ANKRD13C: variants seen among roughly 807,000 people sequenced by gnomAD.
ANKRD13C encodes ankyrin repeat domain 13C.
A neutral mutation model predicts 65.5 loss-of-function variants in ANKRD13C; 16 were observed. The ratio of observed to expected loss-of-function variants is 0.24; its 90% CI spans 0.17 to 0.37. The LOEUF (loss-of-function observed/expected upper bound fraction) is 0.37. Among genes scored for constraint, ANKRD13C ranks in the 10% least tolerant of loss-of-function variants. ANKRD13C has a pLI of 1.00. For synonymous variants in ANKRD13C, 235 were observed against 238.7 expected (o/e 0.98, Z 0.14); for missense variants, 503 against 655.9 (o/e 0.77, Z 2.55).
At chr1:70,298,942 G>A (rs779834120) in intron 7 of ANKRD13C, among the ~76,000 whole-genome samples, 3 of 151,934 alleles carry the variant, frequency 2.0e-5, no homozygotes, top group Admixed American at 1.3e-4. Flanking sequence ...AACCTATAGC[G>A]TAGAATGTAC....
In ANKRD13C at chr1:70,295,802, C is replaced by T. The variant is rs6667317; in HGVS notation, c.1053+328G>A. The stretch of plus-strand genomic sequence containing the variant: ...CAGGGAAATAGAGTCAAGTTTATCC[C>T]TTTTTGTAGTCTTCTTATCGAATAA... On this transcript the variant is annotated intron_variant, in intron 8 of 12. Transcript: ENST00000370944. 3.8e-3 allele frequency among the ~76,000 whole-genome samples: 575 copies of T among 152,258 alleles called. 6 individuals carry two copies. The highest frequency in any genetic ancestry group is 0.013 in the African/African-American group (552 of 41,536).
chr1:70,354,535 GC>G lies in ANKRD13C; in HGVS notation c.-128del. 1.4e-6 allele frequency: 2 copies of G among 1,440,422 alleles called. No individual in the cohort carries two copies. Among genetic ancestry groups the G allele is most frequent in the Non-Finnish European group, 1.8e-6 (2 of 1,102,410 alleles). 89.2% of individuals were successfully genotyped at this position (1,440,422 alleles called of 1,614,324 possible). Reference sequence around the variant, plus strand: ...CCAGCGCAGCATGAACTCCCACTGAGCCCCCGAGCCTGGGACAAACGCATCT... The same window carrying G: ...CCAGCGCAGCATGAACTCCCACTGAGCCCCGAGCCTGGGACAAACGCATCT... On this transcript the variant is annotated 5_prime_UTR_variant, in exon 1 of 13. The change abolishes the stop of an existing upstream ORF in the 5' untranslated region. Coordinates refer to ENST00000370944, the MANE Select transcript of ANKRD13C (RefSeq NM_030816.5).
chr1:70,319,353 C>T (rs1225785525), intron 3 of ANKRD13C, among the ~76,000 whole-genome samples: 1 of 152,102 alleles, frequency 6.6e-6, no homozygotes, highest in Non-Finnish European at 1.5e-5. Context: ...CACCTGTAAT[C>T]TCAGCACTTT....
At chr1:70,304,497 G>A (rs1158223400) in intron 6 of ANKRD13C, among the ~76,000 whole-genome samples, 2 of 151,786 alleles carry the variant, frequency 1.3e-5, no homozygotes, top group East Asian at 3.9e-4. Flanking sequence ...CCTGGGGTCA[G>A]GTGATTCTCC....
chr1:70,320,047 T>G (rs1681240218), intron 3 of ANKRD13C, among the ~76,000 whole-genome samples: 1 of 152,116 alleles, frequency 6.6e-6, no homozygotes, highest in African/African-American at 2.4e-5. Flanking sequence ...GTACTTGAGC[T>G]GAGATCTGAA....
chr1:70,271,120 G>T (rs932158909), intron 11 of ANKRD13C, among the ~76,000 whole-genome samples, 164 bp from the exon 12 acceptor site: 1 of 151,948 alleles, frequency 6.6e-6, no homozygotes, highest in Non-Finnish European at 1.5e-5. Context: ...CTCTATAATG[G>T]TTTACAACTT....
At chr1:70,338,031 G>A (rs753279537) in intron 1 of ANKRD13C, among the ~76,000 whole-genome samples, 1 of 151,956 alleles carries the variant, frequency 6.6e-6, no homozygotes, top group South Asian at 2.1e-4. Flanking sequence ...CCTGGGAGGC[G>A]AAGGTTGCGG....
intron 9 of ANKRD13C, among the ~76,000 whole-genome samples, chr1:70,277,317 G>T (rs1679184262): frequency 6.6e-6 from 1 of 152,108 alleles, no homozygotes; most frequent in Non-Finnish European, 1.5e-5. Context: ...AATTATCCGG[G>T]CGTGATGGTG....
intron 1 of ANKRD13C, among the ~76,000 whole-genome samples, chr1:70,352,313 C>T (rs1682777461): frequency 7.6e-6 from 1 of 131,956 alleles, no homozygotes; most frequent in South Asian, 2.4e-4. Context: ...GCACTCCAGC[C>T]TGGGCGACAG....
At chr1:70,307,958 G>C (rs965365777) in intron 5 of ANKRD13C, among the ~76,000 whole-genome samples, 1 of 151,100 alleles carries the variant, frequency 6.6e-6, no homozygotes, top group African/African-American at 2.4e-5. Flanking sequence ...CTTTGAAAAA[G>C]AAAAAAAGAA....
rs1165416550 is a variant in ANKRD13C, at chr1:70,309,715, C to CAA, written c.710-3427_710-3426dup. On this transcript the variant is annotated intron_variant, in intron 5 of 12. Transcript: ENST00000370944. ...TGGGCGACAGAGCCAGACTCCGTCG[C>CAA]AAAAAAAAAAAAAAAAAAATAATAA... is the stretch of plus-strand genomic sequence containing the variant. Among the ~76,000 whole-genome samples the CAA allele has an allele frequency of 7.2e-5, 10 of 138,838 alleles. 1 individual carries two copies. Among genetic ancestry groups the CAA allele is most frequent in the South Asian group, 2.3e-4 (1 of 4,352 alleles). The allele number at this position is 138,838 out of a possible 152,430, so 91.1% of individuals were successfully genotyped here.
At chr1:70,324,347 A>C (rs1385718516) in intron 3 of ANKRD13C, among the ~76,000 whole-genome samples, 2 of 152,200 alleles carry the variant, frequency 1.3e-5, no homozygotes, top group Non-Finnish European at 2.9e-5. Context: ...GAGTGGAATA[A>C]CTCAACATTC....
chr1:70,317,955 C>T (rs1020058750), intron 3 of ANKRD13C, among the ~76,000 whole-genome samples: 1 of 152,028 alleles, frequency 6.6e-6, no homozygotes. Context: ...TAAATAATGA[C>T]CAAACATCAT....
chr1:70,270,145 T>A (rs1367316741), intron 12 of ANKRD13C, among the ~76,000 whole-genome samples: 2 of 152,204 alleles, frequency 1.3e-5, no homozygotes, highest in African/African-American at 4.8e-5. Context: ...ACTTTATCCA[T>A]CAACAGTAAC....
chr1:70,346,376 T>C (rs1242425153), intron 1 of ANKRD13C, among the ~76,000 whole-genome samples: 3 of 152,290 alleles, frequency 2.0e-5, no homozygotes, highest in East Asian at 1.9e-4. Context: ...CCAGCCCAGT[T>C]TGCTACTTTG....
At chr1:70,352,159 G>A (rs1443447618) in intron 1 of ANKRD13C, among the ~76,000 whole-genome samples, 1 of 151,820 alleles carries the variant, frequency 6.6e-6, no homozygotes, top group Non-Finnish European at 1.5e-5. Flanking sequence ...CTCACACAGT[G>A]AAACCCCGTC....
At chr1:70,290,379 T>G (rs976633505) in intron 9 of ANKRD13C, among the ~76,000 whole-genome samples, 1 of 152,216 alleles carries the variant, frequency 6.6e-6, no homozygotes, top group Non-Finnish European at 1.5e-5. Flanking sequence ...CTTTGTAGTA[T>G]GTAGTAGCCT....
intron 12 of ANKRD13C, among the ~76,000 whole-genome samples, chr1:70,267,596 A>G (rs1678685885): frequency 6.6e-6 from 1 of 152,048 alleles, no homozygotes. Flanking sequence ...GTATATTTAG[A>G]CCATTTACAT....
intron 3 of ANKRD13C, 95 bp from the exon 4 acceptor site, chr1:70,315,661 A>G: frequency 1.1e-6 from 1 of 918,668 alleles, no homozygotes; most frequent in Non-Finnish European, 1.6e-6. Flanking sequence ...TAATACATGT[A>G]CACATATATG....
Sources: gnomAD v4.1 joint callset for allele counts (sites outside exome capture counted in the v4.1 genomes callset) on GRCh38, gnomAD v4.1.1 for gene constraint, MANE v1.5 for transcripts, NCBI Gene and HGNC (gene_info 2026-07-23, HGNC 2026-07-21) for gene names.